Variants in LY6S observed in about 807,000 individuals in gnomAD.
LY6S encodes lymphocyte antigen 6S.
chr8:143,059,751 G>C, the LY6S span: 1 of 152,116 alleles, frequency 6.6e-6, no homozygotes, highest in Non-Finnish European at 1.5e-5. Flanking sequence ...ACAGTCATGA[G>C]CCACTGTGTC....
chr8:143,072,372 T>A, the LY6S span, among the ~76,000 whole-genome samples: 1 of 137,020 alleles, frequency 7.3e-6, no homozygotes, highest in South Asian at 2.5e-4. Context: ...GAGACAGCCG[T>A]CGTCCTCGGG....
the LY6S span, among the ~76,000 whole-genome samples, chr8:143,076,193 C>G: frequency 6.6e-6 from 1 of 152,184 alleles, no homozygotes; most frequent in Non-Finnish European, 1.5e-5. Flanking sequence ...AACCCAAAGT[C>G]AGAAACAGAA....
the LY6S span, among the ~76,000 whole-genome samples, chr8:143,070,479 ATATATATATATTTTT>A: frequency 3.5e-5 from 3 of 86,126 alleles, no homozygotes; most frequent in African/African-American, 2.0e-4. Context: ...ATATATAAAT[ATATATATATATTTTT>A]TTTTTTTTTT....
chr8:143,056,197 A>G, the LY6S span, among the ~76,000 whole-genome samples: 1 of 145,178 alleles, frequency 6.9e-6, no homozygotes, highest in Non-Finnish European at 1.5e-5. Flanking sequence ...TAGATCATAC[A>G]TTTGGATCGA....
the LY6S span, among the ~76,000 whole-genome samples, chr8:143,058,407 C>G: frequency 6.6e-6 from 1 of 152,132 alleles, no homozygotes; most frequent in Non-Finnish European, 1.5e-5. Flanking sequence ...GGACAGGGGG[C>G]CCTTCCCTGC....
chr8:143,073,263 C>CCTGTTTGAGGAGAGAGCCATCATCCCA, the LY6S span, among the ~76,000 whole-genome samples: 2 of 141,836 alleles, frequency 1.4e-5, no homozygotes, highest in Admixed American at 1.4e-4. Flanking sequence ...CTGTCGTCCT[C>CCTGTTTGAGGAGAGAGCCATCATCCCA]GGGGTCCCTG....
chr8:143,049,614 T>C, the LY6S span, among the ~76,000 whole-genome samples: 1 of 152,318 alleles, frequency 6.6e-6, no homozygotes, highest in East Asian at 1.9e-4. Flanking sequence ...CAAGTCCAGA[T>C]AGGGGTTCTC....
the LY6S span, among the ~76,000 whole-genome samples, chr8:143,070,424 A>T: frequency 3.9e-5 from 4 of 102,472 alleles, no homozygotes; most frequent in South Asian, 2.8e-4. Flanking sequence ...ATATATATTT[A>T]TATATATATT....
chr8:143,058,333 G>A, the LY6S span, among the ~76,000 whole-genome samples: 4 of 152,196 alleles, frequency 2.6e-5, no homozygotes, highest in Non-Finnish European at 5.9e-5. Context: ...AAGCAAAAGG[G>A]GCAGGATAAG....
the LY6S span, among the ~76,000 whole-genome samples, chr8:143,048,917 C>T: frequency 6.6e-6 from 1 of 152,174 alleles, no homozygotes; most frequent in Non-Finnish European, 1.5e-5. Context: ...GGGACTGCAT[C>T]GGGTATTCCA....
chr8:143,065,176 C>T, the LY6S span, among the ~76,000 whole-genome samples: 1 of 152,176 alleles, frequency 6.6e-6, no homozygotes. Context: ...AAAATTAGTA[C>T]CTTGCCTAAT....
chr8:143,066,930 T>C, the LY6S span, among the ~76,000 whole-genome samples: 2 of 152,162 alleles, frequency 1.3e-5, no homozygotes, highest in African/African-American at 2.4e-5. Flanking sequence ...CCAAATATCA[T>C]GGGGAAAAGG....
the LY6S span, chr8:143,066,148 A>ATTTTCTTTTCTTTTCT: frequency 4.0e-6 from 1 of 252,656 alleles, no homozygotes; most frequent in Non-Finnish European, 7.3e-6. Flanking sequence ...CCAATGATGA[A>ATTTTCTTTTCTTTTCT]TTTCTTTTCT....
chr8:143,059,617 G>A, the LY6S span: 2 of 152,156 alleles, frequency 1.3e-5, no homozygotes, highest in East Asian at 1.9e-4. Context: ...AGGCACGCAC[G>A]ACCACACTCA....
At chr8:143,065,865 T>A in the LY6S span, 1 of 166,316 alleles carries the variant, frequency 6.0e-6, no homozygotes, top group Non-Finnish European at 1.3e-5. Context: ...ATATCTATTT[T>A]GTTTTCCTCC....
chr8:143,068,650 G>A, the LY6S span, among the ~76,000 whole-genome samples: 4 of 152,166 alleles, frequency 2.6e-5, no homozygotes, highest in African/African-American at 7.2e-5. Context: ...ACAGGCAAGA[G>A]TCAAAATTTT....
the LY6S span, among the ~76,000 whole-genome samples, chr8:143,048,245 A>T: frequency 3.3e-5 from 5 of 152,204 alleles, no homozygotes; most frequent in African/African-American, 1.2e-4. Context: ...CTGTGGATAT[A>T]TGTGCTGCTC....
At chr8:143,071,833 G>A in the LY6S span, among the ~76,000 whole-genome samples, 2 of 152,096 alleles carry the variant, frequency 1.3e-5, no homozygotes, top group African/African-American at 4.8e-5. Context: ...CAAGATCTAC[G>A]GGAGTTTCCC....
the LY6S span, among the ~76,000 whole-genome samples, chr8:143,048,192 C>T: frequency 1.3e-5 from 2 of 152,184 alleles, no homozygotes; most frequent in African/African-American, 4.8e-5. Flanking sequence ...AGGGCTGTTT[C>T]AGTCAAGCTC....
Sources: allele counts gnomAD v4.1 joint callset (sites outside exome capture counted in the v4.1 genomes callset), GRCh38; gene constraint gnomAD v4.1.1; transcripts MANE v1.5; gene names NCBI Gene and HGNC (gene_info 2026-07-23, HGNC 2026-07-21).